SOX5: variants seen among roughly 807,000 people sequenced by gnomAD.
SOX5 encodes SRY-box transcription factor 5.
SOX5 carries 9 observed loss-of-function variants against 92.0 expected under a neutral mutation model. The observed-to-expected ratio is 0.10, with a 90% CI of 0.06 to 0.17. The LOEUF (loss-of-function observed/expected upper bound fraction) is 0.17, where lower values mean the gene tolerates loss of function less well. Ranked by LOEUF, SOX5 falls within the 10% of genes least tolerant of loss-of-function variation. The pLI, the probability that SOX5 is intolerant of heterozygous loss-of-function variation, is 1.00. For missense variants in SOX5, 642 were observed against 944.5 expected (o/e 0.68, Z 4.20); for synonymous variants, 344 against 336.3 (o/e 1.02, Z -0.25).
At chr12:23,583,440 C>T (rs932857563) in intron 9 of SOX5, among the ~76,000 whole-genome samples, 1 of 152,048 alleles carries the variant, frequency 6.6e-6, no homozygotes, top group Non-Finnish European at 1.5e-5. Context: ...GCGAGGAATA[C>T]TCGTGTCAAC....
chr12:23,575,893 C>T lies in SOX5; in HGVS notation c.1165-55G>A, dbSNP rs1167267670. The T allele has an allele frequency of 4.3e-6, 6 of 1,391,244 alleles. No homozygotes were observed. The African/African-American group carries it at 8.8e-5, about 20-fold the overall frequency. The allele number at this position is 1,391,244 out of a possible 1,614,324, so 86.2% of individuals were successfully genotyped here. On this transcript the variant is annotated intron_variant, in intron 9 of 14. Coordinates refer to ENST00000451604, the MANE Select transcript of SOX5 (RefSeq NM_006940.6). ...ATAAGGAAAGGCTGATAAAAAATGC[C>T]TAGAAAAACACAGGTATGCAGCCTG...
chr12:24,336,990 T>C (rs1214911608), intron 2 of SOX5, among the ~76,000 whole-genome samples: 1 of 152,184 alleles, frequency 6.6e-6, no homozygotes, highest in Non-Finnish European at 1.5e-5. Context: ...ATTTGTGCAG[T>C]AGAAGTTTAA....
intron 3 of SOX5, among the ~76,000 whole-genome samples, chr12:23,838,165 ATATT>A (rs1323721222): frequency 7.0e-6 from 1 of 143,196 alleles, no homozygotes; most frequent in Non-Finnish European, 1.5e-5. Flanking sequence ...TATATAATAT[ATATT>A]TATATTACAT....
intron 1 of SOX5, chr12:23,944,272 G>A (rs925105916): frequency 1.3e-5 from 2 of 152,094 alleles, no homozygotes; most frequent in Non-Finnish European, 2.9e-5. Context: ...ACAACTTTGA[G>A]TCTCTGACTC....
chr12:24,197,216 A>G (rs1485984445), intron 4 of SOX5, among the ~76,000 whole-genome samples: 1 of 152,188 alleles, frequency 6.6e-6, no homozygotes, highest in Non-Finnish European at 1.5e-5. Flanking sequence ...GATCAATTTA[A>G]TAGCCCCTTA....
At chr12:24,050,246 T>A (rs939897402) in intron 4 of SOX5, among the ~76,000 whole-genome samples, 3 of 152,110 alleles carry the variant, frequency 2.0e-5, no homozygotes, top group Non-Finnish European at 4.4e-5. Context: ...ACCAGTCATA[T>A]GGTTTCAAGA....
intron 8 of SOX5, among the ~76,000 whole-genome samples, chr12:23,629,625 T>C (rs2078277661): frequency 6.6e-6 from 1 of 152,094 alleles, no homozygotes; most frequent in Admixed American, 6.6e-5. Flanking sequence ...TGAACATACT[T>C]GGAGTCCGGT....
chr12:24,281,916 C>T (rs923835449), intron 2 of SOX5, among the ~76,000 whole-genome samples: 7 of 152,110 alleles, frequency 4.6e-5, no homozygotes, highest in African/African-American at 1.7e-4. Flanking sequence ...AATAAACACA[C>T]ACATCCCAAA....
Position 23,786,048 on chromosome 12 carries a change from GTTTTC to G in SOX5, c.482-30329_482-30325del, listed in dbSNP as rs200114755. ...AGCTTCTTTAAATTTAAAATGAAAA[GTTTTC>G]TTTTCTAGTTATCAATTCAGTGCTT... On this transcript the variant is annotated intron_variant, in intron 3 of 14. Transcript: ENST00000451604. 5.8e-3 allele frequency among the ~76,000 whole-genome samples: 883 copies of G among 151,920 alleles called. 13 individuals carry two copies. Among genetic ancestry groups the G allele is most frequent in the African/African-American group, 0.02 (835 of 41,508 alleles).
At chr12:23,862,110 A>G (rs1015859837) in intron 2 of SOX5, among the ~76,000 whole-genome samples, 1 of 151,996 alleles carries the variant, frequency 6.6e-6, no homozygotes, top group African/African-American at 2.4e-5. Context: ...TTCCATTCAC[A>G]GAGACTACAC....
chr12:23,604,295 G>T, intron 9 of SOX5, 92 bp downstream of exon 9: 1 of 1,394,976 alleles, frequency 7.2e-7, no homozygotes. Context: ...CAGAGTTTAA[G>T]CTAGCTGCTG....
intron 9 of SOX5, among the ~76,000 whole-genome samples, chr12:23,593,399 C>T (rs1322076062): frequency 6.6e-6 from 1 of 152,048 alleles, no homozygotes; most frequent in East Asian, 1.9e-4. Flanking sequence ...AATGAGAAAC[C>T]ATATGAATAA....
intron 2 of SOX5, among the ~76,000 whole-genome samples, chr12:23,871,939 A>G (rs1328383297): frequency 6.6e-6 from 1 of 151,496 alleles, no homozygotes; most frequent in Admixed American, 6.6e-5. Flanking sequence ...AATACTTGAG[A>G]GTACAACATC....
intron 3 of SOX5, chr12:24,227,953 T>C (rs1962456351): frequency 2.0e-5 from 3 of 152,232 alleles, no homozygotes; most frequent in African/African-American, 2.4e-5. Context: ...ATAATATGCA[T>C]ACATACAAAA....
chr12:24,434,767 G>A (rs1323148421), intron 1 of SOX5, among the ~76,000 whole-genome samples: 1 of 152,134 alleles, frequency 6.6e-6, no homozygotes, highest in African/African-American at 2.4e-5. Flanking sequence ...CACTATGATT[G>A]TAAGTTTCTT....
intron 4 of SOX5, among the ~76,000 whole-genome samples, chr12:24,174,981 T>A (rs531638070): frequency 5.0e-4 from 76 of 152,246 alleles, no homozygotes; most frequent in Non-Finnish European, 8.5e-4. Flanking sequence ...GAAGTTCATG[T>A]ACAGAGACTA....
chr12:24,162,224 G>A (rs181457015), intron 4 of SOX5, among the ~76,000 whole-genome samples: 270 of 152,204 alleles, frequency 1.8e-3, no homozygotes, highest in Non-Finnish European at 2.3e-3. Flanking sequence ...ATAGACCAGA[G>A]CCTCTTTAGC....
At chr12:24,501,063 T>C (rs184448229) in intron 1 of SOX5, among the ~76,000 whole-genome samples, 7 of 152,280 alleles carry the variant, frequency 4.6e-5, no homozygotes, top group Admixed American at 4.6e-4. Context: ...CATGATCTGA[T>C]TGATAAAGTT....
chr12:24,044,557 T>C (rs1956819888), intron 4 of SOX5, among the ~76,000 whole-genome samples: 1 of 152,208 alleles, frequency 6.6e-6, no homozygotes, highest in Non-Finnish European at 1.5e-5. Flanking sequence ...TTAAAGAATG[T>C]TTCCATCTCC....
Sources: allele counts gnomAD v4.1 joint callset (sites outside exome capture counted in the v4.1 genomes callset), GRCh38; gene constraint gnomAD v4.1.1; transcripts MANE v1.5; gene names NCBI Gene and HGNC (gene_info 2026-07-23, HGNC 2026-07-21).